Variants in RAB11FIP1 observed in about 807,000 individuals in gnomAD.
The protein encoded by RAB11FIP1 is RAB11 family interacting protein 1, also known as rab11 family-interacting protein 1.
In RAB11FIP1, 49 loss-of-function variants were observed where a neutral mutation model predicts 83.1. The observed-to-expected ratio is 0.59, with a 90% CI of 0.47 to 0.75. RAB11FIP1 has a LOEUF of 0.75. Ranked by LOEUF, RAB11FIP1 falls within the 30% of genes least tolerant of loss-of-function variation. The pLI, the probability that RAB11FIP1 is intolerant of heterozygous loss-of-function variation, is 0.00. For missense variants in RAB11FIP1, 1,536 were observed against 1,598.7 expected, an observed-to-expected ratio of 0.96 and a Z score of 0.67; for synonymous variants, 670 against 656.0, an observed-to-expected ratio of 1.02 and a Z score of -0.33.
Position 37,899,330 on chromosome 8 carries a change from T to C in RAB11FIP1, c.112A>G (p.Thr38Ala). The C allele has an allele frequency of 6.2e-7, 1 of 1,609,272 alleles. No homozygotes were observed. The highest frequency in any genetic ancestry group is 1.1e-5 in the South Asian group (1 of 90,926). ...RGLRAKGPGG[T>A]SDAYAVIQVG... ...TGGATCACCGCGTACGCGTCGCTCG[T>C]GCCCCCGGGGCCCTTGGCCCGCAGG... The change falls in exon 1 of 6, where the codon ACG becomes GCG. Residue 38 changes from threonine to alanine, a missense_variant. Physicochemically the swap from Thr to Ala is moderately conservative, Grantham distance 58. Coordinates refer to ENST00000330843, the MANE Select transcript of RAB11FIP1 (RefSeq NM_001002814.3). This position sits in a 1 kb window ranked among gnomAD's most constrained non-coding sequence, Gnocchi z 4.5.
At chr8:37,897,723 T>G (rs1807117778) in intron 1 of RAB11FIP1, among the ~76,000 whole-genome samples, 1 of 152,072 alleles carries the variant, frequency 6.6e-6, no homozygotes, top group African/African-American at 2.4e-5. Context: ...TTCTGCTCCG[T>G]CAAGGGCCCA....
Position 37,859,178 on chromosome 8 carries a change from T to C in RAB11FIP1, c.*3717A>G, listed in dbSNP as rs1359564185. On this transcript the variant is annotated 3_prime_UTR_variant, in exon 6 of 6. Transcript: ENST00000330843. ...GAGATACGGAGTTAAGTTTGGTGGA[T>C]ACTAGGAATTAAGTTCTCCACCTAA... 7 of 151,910 alleles carry C rather than the reference T, an allele frequency of 4.6e-5. No homozygotes were observed. In the East Asian group the frequency reaches 1.2e-3, roughly 25 times the overall value. The allele number at this position is 151,910 out of a possible 1,614,324, so 9.4% of individuals were successfully genotyped here. A position where few individuals can be genotyped will look rare whatever the true frequency, so the allele number is the denominator to read the frequency against.
intron 5 of RAB11FIP1, 28 bp downstream of exon 5, chr8:37,870,392 G>GA (rs1563366167): frequency 7.4e-7 from 1 of 1,348,838 alleles, no homozygotes; most frequent in Admixed American, 1.7e-5. Context: ...AATCCCTAAC[G>GA]AACACACCAG....
Position 37,875,431 on chromosome 8 carries a change from G to C in RAB11FIP1, c.815-109C>G, listed in dbSNP as rs558697379. The C allele has an allele frequency of 1.3e-5, 10 of 774,254 alleles. No individual in the cohort carries two copies. In the Admixed American group the frequency reaches 1.6e-4, roughly 12 times the overall value. 48.0% of individuals were successfully genotyped at this position (774,254 alleles called of 1,614,324 possible). ...CATTTCTGGTTGCCACAACTTGGAGGGGGTGTGCTGCTATTCGTATCCAGC... is the reference window on the plus strand; with the variant it reads ...CATTTCTGGTTGCCACAACTTGGAGCGGGTGTGCTGCTATTCGTATCCAGC... On this transcript the variant is annotated intron_variant, in intron 2 of 5. Coordinates refer to ENST00000330843, the MANE Select transcript of RAB11FIP1 (RefSeq NM_001002814.3).
At position 37,872,120 on chromosome 8, in the gene RAB11FIP1, G is replaced by A; in HGVS notation, c.2682C>T (p.Phe894=). The A allele has an allele frequency of 3.1e-6, 5 of 1,614,078 alleles. No individual in the cohort carries two copies. The highest frequency in any genetic ancestry group is 2.2e-5 in the East Asian group (1 of 44,862). The change falls in exon 4 of 6, where the codon TTC becomes TTT. Residue 894 remains phenylalanine (F), a synonymous_variant. Transcript: ENST00000330843. ...HLLLPSQEES[F]SEVPMSEASS... ...TTGCTTCACTCATGGGGACTTCGGA[G>A]AAACTCTCCTCCTGGGAGGGGAGGA...
intron 1 of RAB11FIP1, among the ~76,000 whole-genome samples, chr8:37,883,412 C>T (rs1368116654): frequency 2.0e-5 from 3 of 152,150 alleles, no homozygotes; most frequent in African/African-American, 2.4e-5. Flanking sequence ...TCAGGTGATC[C>T]GCCTGCCTCA....
chr8:37,868,160 G>A (rs1806379842), intron 5 of RAB11FIP1, among the ~76,000 whole-genome samples: 1 of 152,104 alleles, frequency 6.6e-6, no homozygotes, highest in Non-Finnish European at 1.5e-5. Context: ...GGTGGCTCAC[G>A]CCTGTAATCC....
Position 37,862,949 on chromosome 8 carries a change from G to T in RAB11FIP1, c.3798C>A (p.Thr1266=). 1.2e-6 allele frequency: 2 copies of T among 1,613,840 alleles called. No homozygotes were observed. Among genetic ancestry groups the T allele is most frequent in the South Asian group, 2.2e-5 (2 of 91,066 alleles). Residue 1266 remains threonine (T), a synonymous_variant, in exon 6 of 6, where the codon ACC becomes ACA. Coordinates refer to ENST00000330843, the MANE Select transcript of RAB11FIP1 (RefSeq NM_001002814.3). ...DNLLVRVMEE[T]PNILRIPTQV... Reference sequence around the variant, plus strand: ...GAGTCGGGATGCGGAGGATATTGGGGGTTTCTTCCATGACCCTGACAAGCA... The same window carrying T: ...GAGTCGGGATGCGGAGGATATTGGGTGTTTCTTCCATGACCCTGACAAGCA...
rs1465341610 is a variant in RAB11FIP1 at position 37,877,134 on chromosome 8, C to T, written c.789G>A (p.Glu263=). 6.2e-7 allele frequency: 1 copy of T among 1,613,786 alleles called. No individual in the cohort carries two copies. The highest frequency in any genetic ancestry group is 8.5e-7 in the Non-Finnish European group (1 of 1,179,748). ...CATCCGAGGCCGAGGAGGACTCATCCTCATTGTCATCTTCATCCCACTGGG... is the reference window on the plus strand; with the variant it reads ...CATCCGAGGCCGAGGAGGACTCATCTTCATTGTCATCTTCATCCCACTGGG... The part of the protein sequence containing the change: ...FQSQWDEDDN[E]DESSSASDVM... Residue 263 remains glutamate, a synonymous_variant, in exon 2 of 6, where the codon GAG becomes GAA. Coordinates refer to ENST00000330843, the MANE Select transcript of RAB11FIP1 (RefSeq NM_001002814.3).
At chr8:37,875,402 G>T in intron 2 of RAB11FIP1, 80 bp from the exon 3 acceptor site, 2 of 1,066,586 alleles carry the variant, frequency 1.9e-6, no homozygotes, top group African/African-American at 1.6e-5. Context: ...TCAACGTCTG[G>T]ATACATTTCT....
Position 37,875,211 on chromosome 8 carries a change from T to C in RAB11FIP1, c.926A>G (p.Asn309Ser), listed in dbSNP as rs756733577. 2.5e-6 allele frequency: 4 copies of C among 1,614,154 alleles called. No individual in the cohort carries two copies. The highest frequency in any genetic ancestry group is 1.3e-5 in the African/African-American group (1 of 75,016). ...LSFLGGLRSK[N>S]DVLSRSNVCI... is the part of the protein sequence containing the mutation. ...GACATTAGAGCGGGAAAGGACATCA[T>C]TCTTAGACCGAAGGCCACCAAGAAA... is the stretch of plus-strand genomic sequence containing the variant. Residue 309 changes from asparagine to serine, a missense_variant, in exon 3 of 6, where the codon AAT becomes AGT. Physicochemically the swap from Asn to Ser is conservative, Grantham distance 46 (BLOSUM62 1). Coordinates refer to ENST00000330843, the MANE Select transcript of RAB11FIP1 (RefSeq NM_001002814.3).
chr8:37,862,086 G>A lies in RAB11FIP1; in HGVS notation c.*809C>T, dbSNP rs188608371. On this transcript the variant is annotated 3_prime_UTR_variant, in exon 6 of 6. Transcript: ENST00000330843. ...AATCCCCTAGCAAAGCGCTGAATAG[G>A]CTGGTCTAGCCAGCAGGAACCTGGC... The A allele has an allele frequency of 6.5e-6, 1 of 153,192 alleles. No individual in the cohort carries two copies. Among genetic ancestry groups the A allele is most frequent in the Non-Finnish European group, 1.5e-5 (1 of 68,630 alleles). 9.5% of individuals were successfully genotyped at this position (153,192 alleles called of 1,614,324 possible).
intron 1 of RAB11FIP1, among the ~76,000 whole-genome samples, chr8:37,884,300 T>C (rs1472061015): frequency 6.6e-6 from 1 of 151,360 alleles, no homozygotes; most frequent in Non-Finnish European, 1.5e-5. Flanking sequence ...CCTGACCTCA[T>C]GATCCACCTG....
At chr8:37,888,991 G>C (rs942878544) in intron 1 of RAB11FIP1, among the ~76,000 whole-genome samples, 1 of 151,646 alleles carries the variant, frequency 6.6e-6, no homozygotes, top group African/African-American at 2.4e-5. Flanking sequence ...TAGAGATGGG[G>C]TTTCACCATG....
chr8:37,872,325 A>G lies in RAB11FIP1; in HGVS notation c.2477T>C (p.Leu826Ser), dbSNP rs1806486594. 2.5e-6 allele frequency: 4 copies of G among 1,614,024 alleles called. No homozygotes were observed. The African/African-American group carries it at 5.3e-5, about 22-fold the overall frequency. The part of the protein sequence containing the change: ...FTEEAVAGAA[L>S]LVEGHSSCPQ... ...ACAACTGCTGTGTCCTTCCACCAGC[A>G]AGGCAGCCCCCGCCACTGCCTCTTC... The change falls in exon 4 of 6, where the codon TTG becomes TCG. Residue 826 changes from leucine (L) to serine (S), a missense_variant. By Grantham distance (145) the Leu-to-Ser change is moderately radical. Transcript: ENST00000330843.
intron 1 of RAB11FIP1, among the ~76,000 whole-genome samples, chr8:37,894,733 T>TAC (rs1807028336): frequency 6.8e-6 from 1 of 147,658 alleles, no homozygotes; most frequent in African/African-American, 2.5e-5. Context: ...CATATATATA[T>TAC]ATATATACAC....
In RAB11FIP1 at chr8:37,874,880, G is replaced by A. The variant is rs1806571907; in HGVS notation, c.1257C>T (p.Ala419=). ...RENMAPANSE[A]TKEAKESKKP... Reference sequence around the variant, plus strand: ...TCTTGCTCTCCTTAGCTTCTTTTGTGGCCTCTGAGTTTGCGGGGGCCATGT... The same window carrying A: ...TCTTGCTCTCCTTAGCTTCTTTTGTAGCCTCTGAGTTTGCGGGGGCCATGT... The change falls in exon 3 of 6, where the codon GCC becomes GCT. Residue 419 remains alanine (A), a synonymous_variant. Coordinates refer to ENST00000330843, the MANE Select transcript of RAB11FIP1 (RefSeq NM_001002814.3). 6.2e-7 allele frequency: 1 copy of A among 1,614,106 alleles called. No homozygotes were observed.
At chr8:37,887,530 C>CAAA (rs572127005) in intron 1 of RAB11FIP1, among the ~76,000 whole-genome samples, 7 of 74,968 alleles carry the variant, frequency 9.3e-5, no homozygotes, top group African/African-American at 3.3e-4. Flanking sequence ...GACGCCATCT[C>CAAA]AAAAAAAAAA....
Position 37,872,228 on chromosome 8 carries a change from G to C in RAB11FIP1, c.2574C>G (p.His858Gln), listed in dbSNP as rs17362412. ...ASDGEPPESP[H>Q]AEDSERESVT... ...CCGATTCCCTTTCTGAGTCCTCTGCGTGGGGAGACTCAGGAGGCTCTCCGT... is the reference window on the plus strand; with the variant it reads ...CCGATTCCCTTTCTGAGTCCTCTGCCTGGGGAGACTCAGGAGGCTCTCCGT... Residue 858 changes from histidine (H) to glutamine (Q), a missense_variant, in exon 4 of 6, where the codon CAC (histidine) becomes CAG (glutamine). Transcript: ENST00000330843. 1 of 1,614,034 alleles carries C rather than the reference G, an allele frequency of 6.2e-7. No homozygotes were observed. Among genetic ancestry groups the C allele is most frequent in the South Asian group, 1.1e-5 (1 of 91,072 alleles).
Sources: allele counts gnomAD v4.1 joint callset (sites outside exome capture counted in the v4.1 genomes callset), GRCh38; gene constraint gnomAD v4.1.1; non-coding constraint Gnocchi (gnomAD v3.1); transcripts MANE v1.5; gene names NCBI Gene and HGNC (gene_info 2026-07-23, HGNC 2026-07-21).